Variants in SPDYE6 observed in about 807,000 individuals in gnomAD.
SPDYE6 encodes the protein speedy protein E6.
For synonymous variants in SPDYE6, 2 were observed against 103.0 expected, an observed-to-expected ratio of 0.02 and a Z score of 5.94; for missense variants, 8 against 297.9, an observed-to-expected ratio of 0.03 and a Z score of 7.16.
chr7:102,353,568 C>T, intron 2 of SPDYE6, among the ~76,000 whole-genome samples, 180 bp from the exon 3 acceptor site: 1 of 142,464 alleles, frequency 7.0e-6, no homozygotes, highest in African/African-American at 2.6e-5. Flanking sequence ...TTCTCCTCCC[C>T]ATTCTCCCGT....
Position 102,346,110 on chromosome 7 carries a change from A to C in SPDYE6, c.*1157T>G, listed in dbSNP as rs1437507935. Among the ~76,000 whole-genome samples the C allele has an allele frequency of 6.6e-6, 1 of 151,560 alleles. No homozygotes were observed. The highest frequency in any genetic ancestry group is 1.5e-5 in the Non-Finnish European group (1 of 67,852). On this transcript the variant is annotated 3_prime_UTR_variant, in exon 8 of 8. Transcript: ENST00000563237. ...TTAGGATGAAAAGAATCCTCTCTTAAAAAGGAAAACAAAATTATATGTATG... is the reference window on the plus strand; with the variant it reads ...TTAGGATGAAAAGAATCCTCTCTTACAAAGGAAAACAAAATTATATGTATG...
At chr7:102,353,548 G>A (rs1388873239) in intron 2 of SPDYE6, among the ~76,000 whole-genome samples, 160 bp from the exon 3 acceptor site, 7 of 133,918 alleles carry the variant, frequency 5.2e-5, no homozygotes, top group African/African-American at 1.9e-4. Context: ...TGAGCTCCAT[G>A]TGCCGCTCCT....
In SPDYE6 at chr7:102,346,396, A is replaced by G. The variant is rs1264494054; in HGVS notation, c.*871T>C. 1.3e-4 allele frequency among the ~76,000 whole-genome samples: 19 copies of G among 149,556 alleles called. No individual in the cohort carries two copies. In the East Asian group the frequency reaches 3.7e-3, roughly 29 times the overall value. The stretch of plus-strand genomic sequence containing the variant: ...TATCTGAGACATGTTAAAAATCACA[A>G]CTGAATTCTCACAATTCAGTCACAA... On this transcript the variant is annotated 3_prime_UTR_variant, in exon 8 of 8. Transcript: ENST00000563237.
At position 102,345,785 on chromosome 7, in the gene SPDYE6, C is replaced by T. The variant is rs1259903830; in HGVS notation, c.*1482G>A. ...AGAAAAGTTCATTTTTATTATGTTT[C>T]CCCAAGAGACCCACTCTATTGTTCT... is the stretch of plus-strand genomic sequence containing the variant. On this transcript the variant is annotated 3_prime_UTR_variant, in exon 8 of 8. Transcript: ENST00000563237. Among the ~76,000 whole-genome samples the T allele has an allele frequency of 4.6e-5, 7 of 152,144 alleles. No individual in the cohort carries two copies. The highest frequency in any genetic ancestry group is 8.8e-5 in the Non-Finnish European group (6 of 68,032).
rs1375754056 is a variant in SPDYE6 at position 102,346,147 on chromosome 7, G to T, written c.*1120C>A. 1.3e-5 allele frequency among the ~76,000 whole-genome samples: 2 copies of T among 150,606 alleles called. No individual in the cohort carries two copies. Among genetic ancestry groups the T allele is most frequent in the South Asian group, 4.2e-4 (2 of 4,800 alleles). ...AAATTATATGTATGTGTATATAACA[G>T]TTATAATACCCATCACACAGCTTTG... On this transcript the variant is annotated 3_prime_UTR_variant, in exon 8 of 8. Coordinates refer to ENST00000563237, the MANE Select transcript of SPDYE6 (RefSeq NM_001146210.4).
Position 102,346,602 on chromosome 7 carries a change from A to C in SPDYE6, c.*665T>G, listed in dbSNP as rs879989886. Among the ~76,000 whole-genome samples, 2 of 151,696 alleles carry C rather than the reference A, an allele frequency of 1.3e-5. No homozygotes were observed. Among genetic ancestry groups the C allele is most frequent in the South Asian group, 4.2e-4 (2 of 4,818 alleles). Reference sequence around the variant, plus strand: ...TAAAGATAATAAAATATTTAGGATAAAAGAATTGTCTCTTAAAAATGAAAA... The same window carrying C: ...TAAAGATAATAAAATATTTAGGATACAAGAATTGTCTCTTAAAAATGAAAA... On this transcript the variant is annotated 3_prime_UTR_variant, in exon 8 of 8. Coordinates refer to ENST00000563237, the MANE Select transcript of SPDYE6 (RefSeq NM_001146210.4).
intron 2 of SPDYE6, among the ~76,000 whole-genome samples, chr7:102,353,645 T>C (rs1229175416): frequency 2.1e-4 from 31 of 146,142 alleles, no homozygotes; most frequent in African/African-American, 7.6e-4. Flanking sequence ...CCCTTTTTTT[T>C]TTTTTTTTTT....
intron 4 of SPDYE6, among the ~76,000 whole-genome samples, 167 bp downstream of exon 4, chr7:102,351,899 T>TCACACACA (rs1301839417): frequency 6.7e-5 from 1 of 14,948 alleles, no homozygotes. Flanking sequence ...AGACTCTGTC[T>TCACACACA]CACACACACA....
rs868940171 is a variant in SPDYE6, at chr7:102,353,658, G to C, written c.380-270C>G. 9.1e-3 allele frequency among the ~76,000 whole-genome samples: 897 copies of C among 98,198 alleles called. 1 individual carries two copies. Among genetic ancestry groups the C allele is most frequent in the African/African-American group, 0.035 (852 of 24,562 alleles). The allele number at this position is 98,198 out of a possible 152,430, so 64.4% of individuals were successfully genotyped here. A position where few individuals can be genotyped will look rare whatever the true frequency, so the allele number is the denominator to read the frequency against. ...GTCCCTTTTTTTTTTTTTTTTTTTC[G>C]TTGTTGTTGTCGTTGTTGTTGTTGA... On this transcript the variant is annotated intron_variant, in intron 2 of 7. Coordinates refer to ENST00000563237, the MANE Select transcript of SPDYE6 (RefSeq NM_001146210.4).
intron 3 of SPDYE6, among the ~76,000 whole-genome samples, 199 bp from the exon 4 acceptor site, chr7:102,352,323 C>T (rs1376136543): frequency 2.0e-3 from 297 of 149,168 alleles, no homozygotes; most frequent in African/African-American, 6.2e-3. Context: ...GAGAAGAGGC[C>T]GAAGGAGGCC....
At chr7:102,353,651 T>TC (rs1794609122) in intron 2 of SPDYE6, among the ~76,000 whole-genome samples, 1 of 150,038 alleles carries the variant, frequency 6.7e-6, no homozygotes, top group Non-Finnish European at 1.5e-5. Context: ...TTTTTTTTTT[T>TC]TTTTTCGTTG....
At position 102,346,133 on chromosome 7, in the gene SPDYE6, A is replaced by G. The variant is rs553067022; in HGVS notation, c.*1134T>C. On this transcript the variant is annotated 3_prime_UTR_variant, in exon 8 of 8. Coordinates refer to ENST00000563237, the MANE Select transcript of SPDYE6 (RefSeq NM_001146210.4). The stretch of plus-strand genomic sequence containing the variant: ...TAAAAAGGAAAACAAAATTATATGT[A>G]TGTGTATATAACAGTTATAATACCC... Among the ~76,000 whole-genome samples the G allele has an allele frequency of 1.3e-3, 191 of 151,468 alleles. No homozygotes were observed. Among genetic ancestry groups the G allele is most frequent in the African/African-American group, 4.5e-3 (186 of 41,472 alleles).
intron 2 of SPDYE6, among the ~76,000 whole-genome samples, chr7:102,353,655 T>TTTTTTTTG (rs368227936): frequency 2.7e-5 from 4 of 148,212 alleles, no homozygotes; most frequent in African/African-American, 7.6e-5. Flanking sequence ...TTTTTTTTTT[T>TTTTTTTTG]TCGTTGTTGT....
chr7:102,353,657 C>CTT lies in SPDYE6; in HGVS notation c.380-270_380-269insAA, dbSNP rs1563585430. On this transcript the variant is annotated intron_variant, in intron 2 of 7. Coordinates refer to ENST00000563237, the MANE Select transcript of SPDYE6 (RefSeq NM_001146210.4). Reference sequence around the variant, plus strand: ...AGTCCCTTTTTTTTTTTTTTTTTTTCGTTGTTGTTGTCGTTGTTGTTGTTG... The same window carrying CTT: ...AGTCCCTTTTTTTTTTTTTTTTTTTCTTGTTGTTGTTGTCGTTGTTGTTGTTG... Among the ~76,000 whole-genome samples the CTT allele has an allele frequency of 4.9e-5, 7 of 142,880 alleles. No homozygotes were observed. In the South Asian group the frequency reaches 1.4e-3, roughly 28 times the overall value. 93.7% of individuals were successfully genotyped at this position (142,880 alleles called of 152,430 possible).
At chr7:102,351,690 T>C (rs1272235439) in intron 4 of SPDYE6, among the ~76,000 whole-genome samples, 10 of 76,276 alleles carry the variant, frequency 1.3e-4, no homozygotes, top group African/African-American at 5.1e-4. Flanking sequence ...TCGCCTGAGG[T>C]CAGGTGTTCA....
intron 3 of SPDYE6, among the ~76,000 whole-genome samples, chr7:102,352,378 G>A (rs1794587126): frequency 6.8e-6 from 1 of 146,606 alleles, no homozygotes; most frequent in Non-Finnish European, 1.5e-5. Flanking sequence ...AATCAGCCAG[G>A]ACCCCCTCCA....
intron 2 of SPDYE6, among the ~76,000 whole-genome samples, chr7:102,353,647 T>TC (rs1413329967): frequency 1.3e-5 from 2 of 150,098 alleles, no homozygotes; most frequent in African/African-American, 5.0e-5. Flanking sequence ...CTTTTTTTTT[T>TC]TTTTTTTTTC....
Position 102,346,879 on chromosome 7 carries a change from T to A in SPDYE6, c.*388A>T, listed in dbSNP as rs1340511594. Among the ~76,000 whole-genome samples the A allele has an allele frequency of 2.0e-5, 3 of 152,108 alleles. No homozygotes were observed. The highest frequency in any genetic ancestry group is 3.9e-4 in the East Asian group (2 of 5,180). The stretch of plus-strand genomic sequence containing the variant: ...GCCCCTGCATTGTGCCTTCAAATCC[T>A]CCTGGACTGCAAGTCCGTAAGAAAC... On this transcript the variant is annotated 3_prime_UTR_variant, in exon 8 of 8. Transcript: ENST00000563237.
At chr7:102,351,589 G>C (rs1554562476) in intron 4 of SPDYE6, among the ~76,000 whole-genome samples, 1 of 89,834 alleles carries the variant, frequency 1.1e-5, no homozygotes, top group Non-Finnish European at 2.2e-5. Flanking sequence ...AAAAAAATTT[G>C]TGGGTGCCAA....
Sources: allele counts gnomAD v4.1 joint callset (sites outside exome capture counted in the v4.1 genomes callset), GRCh38; gene constraint gnomAD v4.1.1; transcripts MANE v1.5; gene names NCBI Gene and HGNC (gene_info 2026-07-23, HGNC 2026-07-21).